Variants in SLC6A15 observed in about 807,000 individuals in gnomAD.
SLC6A15 encodes solute carrier family 6 member 15, also known as sodium-dependent neutral amino acid transporter B(0)AT2.
SLC6A15 carries 33 observed loss-of-function variants against 68.5 expected under a neutral mutation model. That is an observed-to-expected ratio of 0.48 (90% CI 0.37 to 0.64). SLC6A15 has a LOEUF of 0.64. Ranked by LOEUF, SLC6A15 falls within the 30% of genes least tolerant of loss-of-function variation. The pLI is 0.00. For missense variants in SLC6A15, 747 were observed against 874.3 expected (o/e 0.85, Z 1.84); for synonymous variants, 347 against 301.0 (o/e 1.15, Z -1.58).
At chr12:84,868,184 C>T (rs991818835) in intron 9 of SLC6A15, among the ~76,000 whole-genome samples, 19 of 152,158 alleles carry the variant, frequency 1.2e-4, no homozygotes, top group Non-Finnish European at 2.4e-4. Context: ...TATACTAGTG[C>T]TGTGAGTTAC....
intron 1 of SLC6A15, among the ~76,000 whole-genome samples, chr12:84,902,020 T>C (rs1366523071): frequency 2.0e-5 from 3 of 151,980 alleles, no homozygotes; most frequent in African/African-American, 4.8e-5. Context: ...TTTATAGTTA[T>C]GGTATAATTA....
At chr12:84,870,268 T>C (rs1408465454) in intron 9 of SLC6A15, among the ~76,000 whole-genome samples, 1 of 149,906 alleles carries the variant, frequency 6.7e-6, no homozygotes, top group Non-Finnish European at 1.5e-5. Flanking sequence ...TAATTTATAT[T>C]AAAACATCCA....
intron 4 of SLC6A15, among the ~76,000 whole-genome samples, chr12:84,884,453 C>G (rs1012603308): frequency 1.3e-5 from 2 of 151,728 alleles, no homozygotes; most frequent in Non-Finnish European, 2.9e-5. Flanking sequence ...TTATAGACAC[C>G]CGCCACCAAA....
At chr12:84,888,383 G>C (rs573043629) in intron 2 of SLC6A15, among the ~76,000 whole-genome samples, 2 of 152,184 alleles carry the variant, frequency 1.3e-5, no homozygotes, top group African/African-American at 4.8e-5. Flanking sequence ...CGACTAATGA[G>C]TGGATAAAGA....
intron 1 of SLC6A15, among the ~76,000 whole-genome samples, chr12:84,905,037 G>T (rs745331880): frequency 1.1e-4 from 16 of 152,130 alleles, no homozygotes; most frequent in Non-Finnish European, 2.1e-4. Context: ...AATAGAAGAT[G>T]ATAGAATAAT....
In SLC6A15 at chr12:84,861,607, T is replaced by C. The variant is rs1351158541; in HGVS notation, c.*25A>G. 2 of 1,566,872 alleles carry C rather than the reference T, an allele frequency of 1.3e-6. No individual in the cohort carries two copies. The highest frequency in any genetic ancestry group is 1.8e-4 in the Middle Eastern group (1 of 5,584). ...TGTTCATTGGTAAAAATGAACCAAATAAAACCCACTGACTTTTCCCCCAGC... is the reference window on the plus strand; with the variant it reads ...TGTTCATTGGTAAAAATGAACCAAACAAAACCCACTGACTTTTCCCCCAGC... On this transcript the variant is annotated 3_prime_UTR_variant, in exon 12 of 12. Transcript: ENST00000266682.
chr12:84,867,879 C>T (rs1394476751), intron 9 of SLC6A15: 1 of 152,110 alleles, frequency 6.6e-6, no homozygotes, highest in Non-Finnish European at 1.5e-5. Context: ...GAAACAGATG[C>T]ATAAATTTCT....
At chr12:84,870,162 A>C (rs1377436635) in intron 9 of SLC6A15, among the ~76,000 whole-genome samples, 1 of 151,450 alleles carries the variant, frequency 6.6e-6, no homozygotes, top group African/African-American at 2.4e-5. Context: ...ATTATACACA[A>C]ACAGTCCATG....
intron 1 of SLC6A15, among the ~76,000 whole-genome samples, chr12:84,907,869 C>A (rs2120744619): frequency 6.6e-6 from 1 of 152,232 alleles, no homozygotes; most frequent in Non-Finnish European, 1.5e-5. Context: ...GCAAAAACTA[C>A]CAATATACAT....
At chr12:84,905,130 C>G (rs1284718579) in intron 1 of SLC6A15, among the ~76,000 whole-genome samples, 1 of 152,032 alleles carries the variant, frequency 6.6e-6, no homozygotes, top group Admixed American at 6.6e-5. Context: ...AACTACAGAT[C>G]AATATTCCTA....
At chr12:84,877,776 T>C (rs1555180790) in intron 5 of SLC6A15, among the ~76,000 whole-genome samples, 2 of 152,076 alleles carry the variant, frequency 1.3e-5, no homozygotes, top group Non-Finnish European at 2.9e-5. Flanking sequence ...TTACCCTAGG[T>C]TTGTTGTTGT....
chr12:84,860,922 T>G lies in SLC6A15; in HGVS notation c.*710A>C, dbSNP rs1020063950. 6.6e-6 allele frequency: 1 copy of G among 152,156 alleles called. No homozygotes were observed. Among genetic ancestry groups the G allele is most frequent in the Admixed American group, 6.6e-5 (1 of 15,262 alleles). The allele number at this position is 152,156 out of a possible 1,614,324, so 9.4% of individuals were successfully genotyped here. ...GCATAAGAAAAATGCAGAATCTGCA[T>G]AATTCTTGAGAGTGCTGAGTAACTC... On this transcript the variant is annotated 3_prime_UTR_variant, in exon 12 of 12. Coordinates refer to ENST00000266682, the MANE Select transcript of SLC6A15 (RefSeq NM_182767.6).
rs866768953 is a variant in SLC6A15 at position 84,885,554 on chromosome 12, T to G, written c.455A>C (p.Tyr152Ser). The change falls in exon 4 of 12, where the codon TAT becomes TCT. Residue 152 changes from tyrosine to serine, a missense_variant. Physicochemically the swap from Tyr to Ser is moderately radical, Grantham distance 144. Coordinates refer to ENST00000266682, the MANE Select transcript of SLC6A15 (RefSeq NM_182767.6). ...GIGFASCVVC[Y>S]FVALYYNVII... ...GACGTTGTAGTAGAGAGCTACAAAA[T>G]AGCACACCTGCAAAATAAAATGATA... 2 of 1,612,502 alleles carry G rather than the reference T, an allele frequency of 1.2e-6. No individual in the cohort carries two copies. Among genetic ancestry groups the G allele is most frequent in the Non-Finnish European group, 1.7e-6 (2 of 1,179,378 alleles).
intron 8 of SLC6A15, among the ~76,000 whole-genome samples, chr12:84,872,368 CTCAA>C (rs1341525041): frequency 2.0e-5 from 3 of 151,922 alleles, no homozygotes; most frequent in Non-Finnish European, 4.4e-5. Context: ...ATTATTGTGG[CTCAA>C]TCAATGAAAT....
At chr12:84,865,383 C>T (rs948053564) in intron 10 of SLC6A15, among the ~76,000 whole-genome samples, 3 of 152,170 alleles carry the variant, frequency 2.0e-5, no homozygotes, top group Non-Finnish European at 2.9e-5. Context: ...AATATATGTG[C>T]ATAACCTCCT....
intron 1 of SLC6A15, among the ~76,000 whole-genome samples, chr12:84,904,250 A>AGAGAGAGAGAGAGAGAG (rs58378838): frequency 5.8e-4 from 87 of 149,444 alleles, no homozygotes; most frequent in South Asian, 1.5e-3. Context: ...AGAGAGAGAG[A>AGAGAGAGAGAGAGAGAG]AATAGTCTCA....
At chr12:84,890,651 G>T (rs890596082) in intron 2 of SLC6A15, among the ~76,000 whole-genome samples, 1 of 152,092 alleles carries the variant, frequency 6.6e-6, no homozygotes. Flanking sequence ...TTTGTTTTGT[G>T]CCTGTTTGAA....
chr12:84,865,570 T>C (rs1450226086), intron 10 of SLC6A15, among the ~76,000 whole-genome samples: 1 of 152,228 alleles, frequency 6.6e-6, no homozygotes, highest in African/African-American at 2.4e-5. Context: ...TACAGTGTCA[T>C]ACAGAGTAGT....
intron 6 of SLC6A15, among the ~76,000 whole-genome samples, chr12:84,875,885 A>G (rs1247089989): frequency 6.6e-6 from 1 of 151,346 alleles, no homozygotes; most frequent in African/African-American, 2.4e-5. Flanking sequence ...ATGCATCTAT[A>G]GAAGTTACAG....
Sources: gnomAD v4.1 joint callset for allele counts (sites outside exome capture counted in the v4.1 genomes callset) on GRCh38, gnomAD v4.1.1 for gene constraint, MANE v1.5 for transcripts, NCBI Gene and HGNC (gene_info 2026-07-23, HGNC 2026-07-21) for gene names.